Variants in SCAI observed in about 807,000 individuals in gnomAD.
The protein encoded by SCAI is protein SCAI.
SCAI carries 24 observed loss-of-function variants against 92.2 expected under a neutral mutation model. The observed-to-expected ratio is 0.26, with a 90% CI of 0.19 to 0.37. The LOEUF (loss-of-function observed/expected upper bound fraction) is 0.37, where lower values mean the gene tolerates loss of function less well. SCAI is among the 10% of genes least tolerant of loss of function. The pLI is 1.00. For synonymous variants in SCAI, 261 were observed against 258.6 expected (o/e 1.01, Z -0.09); for missense variants, 450 against 736.2 (o/e 0.61, Z 4.50).
rs185726662 is a variant in SCAI, at chr9:124,999,691, A to G, written c.1244+200T>C. Among the ~76,000 whole-genome samples, 296 of 152,302 alleles carry G rather than the reference A, an allele frequency of 1.9e-3. 1 individual carries two copies. Among genetic ancestry groups the G allele is most frequent in the African/African-American group, 6.8e-3 (283 of 41,568 alleles). On this transcript the variant is annotated intron_variant, in intron 13 of 17. Coordinates refer to ENST00000336505, the MANE Select transcript of SCAI (RefSeq NM_001144877.3). ...TAACATATTTATTCAATGAATATCA[A>G]CCAAAAGTTCTAATTTCCTAGGATA...
At chr9:125,023,668 T>TA (rs571312481) in intron 6 of SCAI, among the ~76,000 whole-genome samples, 2,876 of 139,538 alleles carry the variant, frequency 0.021, 36 homozygotes, top group Middle Eastern at 0.039. Context: ...TTTGAAAATG[T>TA]AAAAAAAAAA....
At chr9:125,027,580 G>A (rs1229574319) in intron 5 of SCAI, among the ~76,000 whole-genome samples, 5 of 152,060 alleles carry the variant, frequency 3.3e-5, no homozygotes, top group Non-Finnish European at 7.4e-5. Flanking sequence ...AGTGCCAATG[G>A]CATGATCTCG....
chr9:124,993,970 C>A lies in SCAI; in HGVS notation c.1326+964G>T, dbSNP rs139809483. On this transcript the variant is annotated intron_variant, in intron 14 of 17. Coordinates refer to ENST00000336505, the MANE Select transcript of SCAI (RefSeq NM_001144877.3). Reference sequence around the variant, plus strand: ...CAAAGGACTCTAAAGACTGTGCTTTCGTTTTCCTGTAAATTACTATAGTTT... The same window carrying A: ...CAAAGGACTCTAAAGACTGTGCTTTAGTTTTCCTGTAAATTACTATAGTTT... 1.5e-4 allele frequency among the ~76,000 whole-genome samples: 23 copies of A among 151,994 alleles called. 1 individual carries two copies. Among genetic ancestry groups the A allele is most frequent in the African/African-American group, 5.1e-4 (21 of 41,474 alleles).
At chr9:124,988,666 G>A (rs950918664) in intron 14 of SCAI, among the ~76,000 whole-genome samples, 21 of 151,916 alleles carry the variant, frequency 1.4e-4, no homozygotes, top group Middle Eastern at 6.8e-3. Flanking sequence ...AAGAGCAAAG[G>A]ACAGACAAAC....
chr9:125,080,275 C>A (rs1307090447), intron 2 of SCAI, among the ~76,000 whole-genome samples: 1 of 146,720 alleles, frequency 6.8e-6, no homozygotes, highest in Non-Finnish European at 1.5e-5. Flanking sequence ...TCCAGAATTA[C>A]ACAGTTAGAA....
chr9:125,117,303 T>C (rs747129764), intron 2 of SCAI, among the ~76,000 whole-genome samples: 1 of 152,204 alleles, frequency 6.6e-6, no homozygotes, highest in Non-Finnish European at 1.5e-5. Context: ...CCTAGGTTAC[T>C]GAAAACAACT....
intron 2 of SCAI, among the ~76,000 whole-genome samples, chr9:125,133,298 AG>A (rs1289236315): frequency 6.6e-6 from 1 of 152,118 alleles, no homozygotes; most frequent in East Asian, 1.9e-4. Flanking sequence ...CTGAGGCAGG[AG>A]AATCACTTGA....
rs1258134013 is a variant in SCAI, at chr9:125,046,324, C to T, written c.230+9552G>A. ...CCTATCTCATATATATATACACACA[C>T]ACACACACATATATATATGTGTGTG... On this transcript the variant is annotated intron_variant, in intron 3 of 17. Transcript: ENST00000336505. Among the ~76,000 whole-genome samples the T allele has an allele frequency of 5.0e-3, 211 of 42,272 alleles. 3 individuals carry two copies. Among genetic ancestry groups the T allele is most frequent in the African/African-American group, 0.017 (201 of 11,718 alleles). 27.7% of individuals were successfully genotyped at this position (42,272 alleles called of 152,430 possible). A position where few individuals can be genotyped will look rare whatever the true frequency, so the allele number is the denominator to read the frequency against.
intron 2 of SCAI, among the ~76,000 whole-genome samples, chr9:125,128,589 T>C (rs892849558): frequency 1.3e-5 from 2 of 150,812 alleles, no homozygotes; most frequent in African/African-American, 4.9e-5. Flanking sequence ...CCGTCTCTAC[T>C]AAAAATACAA....
rs921006473 is a variant in SCAI, at chr9:125,143,508, G to A, written c.-71C>T. 92 of 1,255,696 alleles carry A rather than the reference G, an allele frequency of 7.3e-5. No individual in the cohort carries two copies. The highest frequency in any genetic ancestry group is 1.3e-4 in the African/African-American group (8 of 63,768). The allele number at this position is 1,255,696 out of a possible 1,614,324, so 77.8% of individuals were successfully genotyped here. ...TCGCTCGGGAAGCTGAGGCGGCGGA[G>A]GCTGGAGTAGGCGGAGAGGCGGGAG... On this transcript the variant is annotated 5_prime_UTR_variant, in exon 1 of 18. Coordinates refer to ENST00000336505, the MANE Select transcript of SCAI (RefSeq NM_001144877.3).
At chr9:124,961,618 C>A (rs1473239664) in intron 17 of SCAI, among the ~76,000 whole-genome samples, 1 of 149,084 alleles carries the variant, frequency 6.7e-6, no homozygotes, top group Non-Finnish European at 1.5e-5. Flanking sequence ...CCATTGTACT[C>A]CAGCCTAGGC....
rs1242716235 is a variant in SCAI at position 125,143,386 on chromosome 9, T to TG, written c.51dup (p.Arg18GlnfsTer18). 2.3e-6 allele frequency: 3 copies of TG among 1,280,438 alleles called. No individual in the cohort carries two copies. Among genetic ancestry groups the TG allele is most frequent in the Non-Finnish European group, 3.0e-6 (3 of 1,002,338 alleles). 79.3% of individuals were successfully genotyped at this position (1,280,438 alleles called of 1,614,324 possible). A position where few individuals can be genotyped will look rare whatever the true frequency, so the allele number is the denominator to read the frequency against. On this transcript the variant is annotated frameshift_variant and splice_region_variant, in exon 1 of 18. Transcript: ENST00000336505. LOFTEE classifies it high-confidence loss of function. ...CCGGCCTCCACCCAGCCCCCGCACC[T>TG]GGGGGCCAGGCGACTCCGCGGCTGC...
intron 2 of SCAI, among the ~76,000 whole-genome samples, chr9:125,119,675 A>G (rs1259846315): frequency 6.6e-6 from 1 of 152,234 alleles, no homozygotes; most frequent in Non-Finnish European, 1.5e-5. Flanking sequence ...GCTTAAAACA[A>G]TCTTTTATTG....
At chr9:124,983,162 TAA>T (rs144047566) in intron 14 of SCAI, among the ~76,000 whole-genome samples, 3,774 of 138,616 alleles carry the variant, frequency 0.027, 154 homozygotes, top group African/African-American at 0.089. Context: ...ACCTGTCTCT[TAA>T]AAAAAAAAAA....
intron 2 of SCAI, chr9:125,066,011 C>A (rs774241170): frequency 1.3e-6 from 1 of 771,796 alleles, no homozygotes; most frequent in South Asian, 1.4e-5. Flanking sequence ...ATGTTGATAT[C>A]TTTCCCCTTG....
Position 125,029,682 on chromosome 9 carries a change from A to G in SCAI, c.288T>C (p.Asp96=), listed in dbSNP as rs986788290. The G allele has an allele frequency of 1.2e-6, 2 of 1,613,512 alleles. No homozygotes were observed. The highest frequency in any genetic ancestry group is 1.7e-6 in the Non-Finnish European group (2 of 1,179,648). The change falls in exon 4 of 18, where the codon GAT becomes GAC. Residue 96 remains aspartate (D), a synonymous_variant. Coordinates refer to ENST00000336505, the MANE Select transcript of SCAI (RefSeq NM_001144877.3). The part of the protein sequence containing the change: ...QWQSYFGRTF[D]VYTKLWKFQQ... ...GGAACTTCCAGAGTTTGGTGTAAAC[A>G]TCAAAAGTTCTTCCAAAATAGGACT...
chr9:125,060,221 G>A (rs769464848), intron 2 of SCAI, among the ~76,000 whole-genome samples: 30 of 150,056 alleles, frequency 2.0e-4, no homozygotes, highest in Admixed American at 5.3e-4. Context: ...ATAAATGTGA[G>A]GTATAAGTGT....
At chr9:125,129,044 C>A (rs1835341973) in intron 2 of SCAI, among the ~76,000 whole-genome samples, 4 of 150,116 alleles carry the variant, frequency 2.7e-5, no homozygotes, top group Admixed American at 2.7e-4. Flanking sequence ...GCCTAAGCAA[C>A]AAGAGCAAAA....
intron 9 of SCAI, among the ~76,000 whole-genome samples, chr9:125,009,823 C>T (rs1472546298): frequency 2.6e-5 from 4 of 151,884 alleles, no homozygotes; most frequent in Non-Finnish European, 4.4e-5. Context: ...AACCCAGGAG[C>T]CAGAGGTGGC....
Sources: allele counts gnomAD v4.1 joint callset (sites outside exome capture counted in the v4.1 genomes callset), GRCh38; gene constraint gnomAD v4.1.1; transcripts MANE v1.5; gene names NCBI Gene and HGNC (gene_info 2026-07-23, HGNC 2026-07-21).